Variants in ITSN1 observed in about 807,000 individuals in gnomAD.
ITSN1 encodes the protein intersectin 1.
ITSN1 carries 58 observed loss-of-function variants against 239.8 expected under a neutral mutation model. That is an observed-to-expected ratio of 0.24 (90% CI 0.20 to 0.30). ITSN1 has a LOEUF of 0.30. Among genes scored for constraint, ITSN1 ranks in the 10% least tolerant of loss-of-function variants. The probability of loss-of-function intolerance (pLI) is 1.00; values close to 1 mark genes in which losing one functional copy is unlikely to be tolerated. For synonymous variants in ITSN1, 780 were observed against 770.8 expected, an observed-to-expected ratio of 1.01 and a Z score of -0.20; for missense variants, 1,558 against 2,103.3, an observed-to-expected ratio of 0.74 and a Z score of 5.07.
At chr21:33,802,321 T>A in intron 19 of ITSN1, 109 bp from the exon 20 acceptor site, 1 of 1,101,768 alleles carries the variant, frequency 9.1e-7, no homozygotes, top group Non-Finnish European at 1.4e-6. Flanking sequence ...ATTGGCTAGT[T>A]AACCACCAGC....
rs117497147 is a variant in ITSN1, at chr21:33,759,083, A to G, written c.725-2840A>G. Among the ~76,000 whole-genome samples the G allele has an allele frequency of 2.8e-4, 43 of 152,342 alleles. 1 individual carries two copies. In the East Asian group the frequency reaches 8.1e-3, roughly 29 times the overall value. On this transcript the variant is annotated intron_variant, in intron 8 of 39. Transcript: ENST00000381318. ...GTGGGGATTGGCAAACATTTTCTGT[A>G]AAGAATAGCACAATAAATATTTTAG...
intron 4 of ITSN1, among the ~76,000 whole-genome samples, chr21:33,733,491 CAA>C (rs1483589232): frequency 6.6e-6 from 1 of 151,940 alleles, no homozygotes; most frequent in East Asian, 1.9e-4. Flanking sequence ...ATTTTATATA[CAA>C]AAATTTAGAA....
intron 31 of ITSN1, among the ~76,000 whole-genome samples, chr21:33,859,351 TACTC>T (rs1980017321): frequency 6.6e-6 from 1 of 152,158 alleles, no homozygotes; most frequent in Admixed American, 6.5e-5. Flanking sequence ...GATTCTGACT[TACTC>T]ACTGCCTTTC....
intron 1 of ITSN1, among the ~76,000 whole-genome samples, chr21:33,704,741 G>A (rs1192490616): frequency 1.3e-5 from 2 of 151,762 alleles, no homozygotes; most frequent in Non-Finnish European, 2.9e-5. Context: ...CTTTGATTCC[G>A]GGAGTAAGGC....
At chr21:33,872,659 G>A (rs1176668461) in intron 33 of ITSN1, among the ~76,000 whole-genome samples, 1 of 152,120 alleles carries the variant, frequency 6.6e-6, no homozygotes, top group Non-Finnish European at 1.5e-5. Flanking sequence ...ACCCTTCTGA[G>A]TAGCTGAAAC....
At chr21:33,853,958 G>A (rs563821103) in intron 29 of ITSN1, among the ~76,000 whole-genome samples, 5 of 152,304 alleles carry the variant, frequency 3.3e-5, no homozygotes, top group East Asian at 3.9e-4. Context: ...CAGGTTCTTA[G>A]CTATGCCCTG....
chr21:33,767,844 T>G lies in ITSN1; in HGVS notation c.1042+16T>G. 7.4e-7 allele frequency: 1 copy of G among 1,354,894 alleles called. No individual in the cohort carries two copies. Among genetic ancestry groups the G allele is most frequent in the Non-Finnish European group, 1.1e-6 (1 of 946,928 alleles). The allele number at this position is 1,354,894 out of a possible 1,614,324, so 83.9% of individuals were successfully genotyped here. On this transcript the variant is annotated intron_variant, in intron 11 of 39. Transcript: ENST00000381318. ...AAATTACCTGGTAAGGCAGCCTTTA[T>G]GTTGAGTTAAATCATTTAGATTAAA...
intron 5 of ITSN1, among the ~76,000 whole-genome samples, chr21:33,742,529 A>G (rs1457162546): frequency 6.6e-6 from 1 of 152,206 alleles, no homozygotes; most frequent in South Asian, 2.1e-4. Context: ...AGAAAGTTCA[A>G]CCAGGCTGAG....
intron 38 of ITSN1, 117 bp from the exon 39 acceptor site, chr21:33,886,170 C>G: frequency 5.0e-6 from 4 of 794,686 alleles, no homozygotes; most frequent in Non-Finnish European, 8.0e-6. Context: ...TGAGATCATA[C>G]CACTGCACTG....
rs775476572 is a variant in ITSN1 at position 33,797,328 on chromosome 21, G to A, written c.1953-51G>A. 18 of 1,502,322 alleles carry A rather than the reference G, an allele frequency of 1.2e-5. No homozygotes were observed. The highest frequency in any genetic ancestry group is 2.2e-4 in the Middle Eastern group (1 of 4,562). 93.1% of individuals were successfully genotyped at this position (1,502,322 alleles called of 1,614,324 possible). ...TTTTTTGTGAAAAGAGGCAACAGTA[G>A]TGTTAACTTAGAGTTGCTTTCTTGC... On this transcript the variant is annotated intron_variant, in intron 17 of 39. Transcript: ENST00000381318. This position sits in a 1 kb window ranked among gnomAD's most constrained non-coding sequence, Gnocchi z 4.9.
chr21:33,674,743 C>T (rs1272872641), intron 1 of ITSN1, among the ~76,000 whole-genome samples: 1 of 152,056 alleles, frequency 6.6e-6, no homozygotes, highest in South Asian at 2.1e-4. Context: ...GTTTATTTTA[C>T]CTTTTTTATT....
chr21:33,712,078 ATTTGTG>A (rs2092434015), intron 1 of ITSN1, among the ~76,000 whole-genome samples: 1 of 151,758 alleles, frequency 6.6e-6, no homozygotes, highest in South Asian at 2.1e-4. Context: ...CTTTCCATGC[ATTTGTG>A]TTTGTGTTTG....
intron 1 of ITSN1, among the ~76,000 whole-genome samples, chr21:33,676,962 C>T (rs1298456964): frequency 6.7e-6 from 1 of 148,394 alleles, no homozygotes; most frequent in Non-Finnish European, 1.5e-5. Flanking sequence ...ACAATGAGAA[C>T]ACTTGGACAC....
intron 34 of ITSN1, among the ~76,000 whole-genome samples, chr21:33,876,070 T>C (rs112944353): frequency 9.0e-5 from 11 of 122,732 alleles, no homozygotes; most frequent in Admixed American, 1.6e-4. Flanking sequence ...TTCTTTCTCT[T>C]TCTCCCTTTT....
At chr21:33,654,740 C>A (rs1434261272) in intron 1 of ITSN1, among the ~76,000 whole-genome samples, 1 of 152,156 alleles carries the variant, frequency 6.6e-6, no homozygotes, top group Non-Finnish European at 1.5e-5. Context: ...GAGTTATAAG[C>A]AGTTATGTTC....
intron 20 of ITSN1, among the ~76,000 whole-genome samples, chr21:33,803,635 T>G (rs1288771012): frequency 6.6e-6 from 1 of 152,252 alleles, no homozygotes; most frequent in Non-Finnish European, 1.5e-5. Flanking sequence ...TATATCAAAC[T>G]GTTAACAATG....
At position 33,848,858 on chromosome 21, in the gene ITSN1, T is replaced by C. The variant is rs191439134; in HGVS notation, c.3662-7878T>C. Among the ~76,000 whole-genome samples the C allele has an allele frequency of 3.3e-5, 5 of 152,362 alleles. No homozygotes were observed. The East Asian group carries it at 7.7e-4, about 24-fold the overall frequency. ...GCTGCCTGCCCCCTCACCACCGATATTAGCCTGCTGAAGTCCAACTCAAAT... is the reference window on the plus strand; with the variant it reads ...GCTGCCTGCCCCCTCACCACCGATACTAGCCTGCTGAAGTCCAACTCAAAT... On this transcript the variant is annotated intron_variant, in intron 29 of 39. Coordinates refer to ENST00000381318, the MANE Select transcript of ITSN1 (RefSeq NM_003024.3).
At chr21:33,859,896 G>T (rs16990975) in intron 31 of ITSN1, among the ~76,000 whole-genome samples, 4 of 152,038 alleles carry the variant, frequency 2.6e-5, no homozygotes, top group African/African-American at 9.7e-5. Flanking sequence ...ACCCGATGCC[G>T]TGGAAGCCTT....
intron 23 of ITSN1, 143 bp downstream of exon 23, chr21:33,818,615 A>G: frequency 2.8e-6 from 2 of 704,026 alleles, no homozygotes; most frequent in Non-Finnish European, 4.9e-6. Flanking sequence ...TATAGTATAT[A>G]GAGTACCAAA....
Sources: gnomAD v4.1 joint callset for allele counts (sites outside exome capture counted in the v4.1 genomes callset) on GRCh38, gnomAD v4.1.1 for gene constraint, Gnocchi (gnomAD v3.1) non-coding constraint, MANE v1.5 for transcripts, NCBI Gene and HGNC (gene_info 2026-07-23, HGNC 2026-07-21) for gene names.